Variants in ABTB3 observed in about 807,000 individuals in gnomAD.
The protein encoded by ABTB3 is ankyrin repeat- and BTB/POZ domain-containing protein 3.
the ABTB3 span, among the ~76,000 whole-genome samples, chr12:107,629,287 G>A: frequency 6.6e-6 from 1 of 152,152 alleles, no homozygotes; most frequent in Non-Finnish European, 1.5e-5. Context: ...GCTGGGCACA[G>A]TGGTGCACAC....
the ABTB3 span, among the ~76,000 whole-genome samples, chr12:107,456,987 G>T: frequency 6.6e-6 from 1 of 151,976 alleles, no homozygotes; most frequent in South Asian, 2.1e-4. Context: ...AGCCTCCCAA[G>T]TAGCTGGGAC....
the ABTB3 span, among the ~76,000 whole-genome samples, chr12:107,406,479 G>A: frequency 1.3e-5 from 2 of 152,124 alleles, no homozygotes; most frequent in Admixed American, 1.3e-4. Flanking sequence ...TGCTTAAAGA[G>A]TTAGTCCCAC....
At chr12:107,403,225 G>A in the ABTB3 span, among the ~76,000 whole-genome samples, 1 of 152,184 alleles carries the variant, frequency 6.6e-6, no homozygotes, top group Non-Finnish European at 1.5e-5. Flanking sequence ...GGAAACCAAG[G>A]CCTGGTAAGG....
At chr12:107,448,429 G>A in the ABTB3 span, among the ~76,000 whole-genome samples, 60,794 of 152,024 alleles carry the variant, frequency 0.4, 13,787 homozygotes, top group African/African-American at 0.59. Context: ...CCTGAGCTCT[G>A]ACACTGACTC....
the ABTB3 span, among the ~76,000 whole-genome samples, chr12:107,501,467 A>AGGTGAGT: frequency 6.6e-6 from 1 of 152,050 alleles, no homozygotes; most frequent in Non-Finnish European, 1.5e-5. Context: ...TGGGAGGCCA[A>AGGTGAGT]GGTGAGTGGA....
chr12:107,559,549 T>C, the ABTB3 span, among the ~76,000 whole-genome samples: 1 of 152,300 alleles, frequency 6.6e-6, no homozygotes, highest in Admixed American at 6.5e-5. Context: ...CATCTGCCCC[T>C]GCACCAAGTT....
At chr12:107,608,888 T>TAAAA in the ABTB3 span, among the ~76,000 whole-genome samples, 3 of 44,120 alleles carry the variant, frequency 6.8e-5, no homozygotes, top group Admixed American at 2.6e-4. Flanking sequence ...TAAAATAAAA[T>TAAAA]AAAATAAATA....
the ABTB3 span, among the ~76,000 whole-genome samples, chr12:107,562,529 G>T: frequency 6.6e-6 from 1 of 152,256 alleles, no homozygotes; most frequent in Non-Finnish European, 1.5e-5. Flanking sequence ...TAGAGTAAGT[G>T]AGTGGGGAGT....
At chr12:107,387,952 CTCTTCT>C in the ABTB3 span, among the ~76,000 whole-genome samples, 2 of 130,678 alleles carry the variant, frequency 1.5e-5, no homozygotes, top group African/African-American at 2.8e-5. Flanking sequence ...CTCTTTTCTC[CTCTTCT>C]TCTTCTTCTT....
chr12:107,510,995 C>T, the ABTB3 span, among the ~76,000 whole-genome samples: 1 of 152,114 alleles, frequency 6.6e-6, no homozygotes, highest in Non-Finnish European at 1.5e-5. Context: ...AGTAAGAGAG[C>T]AGGCTGTGCA....
chr12:107,364,836 G>T, the ABTB3 span, among the ~76,000 whole-genome samples: 1 of 152,250 alleles, frequency 6.6e-6, no homozygotes, highest in Admixed American at 6.5e-5. Flanking sequence ...GAAGGCTGGC[G>T]CTGCCAAAAT....
chr12:107,343,354 A>G, the ABTB3 span, among the ~76,000 whole-genome samples: 1 of 152,152 alleles, frequency 6.6e-6, no homozygotes, highest in Non-Finnish European at 1.5e-5. Context: ...TCTCTGCTCA[A>G]TGAAGATGCC....
the ABTB3 span, among the ~76,000 whole-genome samples, chr12:107,388,937 T>C: frequency 7.4e-4 from 112 of 152,374 alleles, no homozygotes; most frequent in African/African-American, 2.5e-3. Context: ...ATGAGTTTGC[T>C]TAGATTTTGT....
chr12:107,577,495 T>C, the ABTB3 span, among the ~76,000 whole-genome samples: 2 of 152,122 alleles, frequency 1.3e-5, no homozygotes, highest in Non-Finnish European at 2.9e-5. Flanking sequence ...CTTCACCATT[T>C]CAGAGAAAGG....
the ABTB3 span, among the ~76,000 whole-genome samples, chr12:107,459,840 G>A: frequency 6.6e-6 from 1 of 152,244 alleles, no homozygotes; most frequent in Non-Finnish European, 1.5e-5. Context: ...AGGGGCCGTG[G>A]CCCGGCCCTC....
chr12:107,352,266 G>T, the ABTB3 span, among the ~76,000 whole-genome samples: 1 of 152,184 alleles, frequency 6.6e-6, no homozygotes, highest in African/African-American at 2.4e-5. Flanking sequence ...GCCAAATGAT[G>T]TTCAGGAGTT....
the ABTB3 span, among the ~76,000 whole-genome samples, chr12:107,338,675 G>A: frequency 6.6e-6 from 1 of 152,134 alleles, no homozygotes; most frequent in East Asian, 1.9e-4. Flanking sequence ...CCCAACTCTT[G>A]GACATATGAA....
chr12:107,505,348 C>A, the ABTB3 span, among the ~76,000 whole-genome samples: 2 of 151,922 alleles, frequency 1.3e-5, no homozygotes, highest in East Asian at 1.9e-4. Flanking sequence ...TATGAAACTA[C>A]AATAATTAAG....
chr12:107,650,786 A>G, the ABTB3 span: 1 of 152,262 alleles, frequency 6.6e-6, no homozygotes, highest in East Asian at 1.9e-4. Flanking sequence ...TGTTGGGATT[A>G]CAGGCATGAG....
Sources: gnomAD v4.1 joint callset for allele counts (sites outside exome capture counted in the v4.1 genomes callset) on GRCh38, gnomAD v4.1.1 for gene constraint, MANE v1.5 for transcripts, NCBI Gene and HGNC (gene_info 2026-07-23, HGNC 2026-07-21) for gene names.